The following GMDS variants were observed in gnomAD, a reference collection of about 807,000 sequenced individuals.
The protein encoded by GMDS is GDP-mannose 4,6 dehydratase.
In GMDS, 20 loss-of-function variants were observed where a neutral mutation model predicts 49.9. The ratio of observed to expected loss-of-function variants is 0.40; its 90% CI spans 0.28 to 0.58. The LOEUF (loss-of-function observed/expected upper bound fraction) is 0.58. GMDS is among the 20% of genes least tolerant of loss of function. The pLI, the probability that GMDS is intolerant of heterozygous loss-of-function variation, is 0.42. For synonymous variants in GMDS, 177 were observed against 178.6 expected, an observed-to-expected ratio of 0.99 and a Z score of 0.07; for missense variants, 362 against 481.4, an observed-to-expected ratio of 0.75 and a Z score of 2.32.
At chr6:1,713,277 C>T (rs997833420) in intron 9 of GMDS, among the ~76,000 whole-genome samples, 2 of 152,342 alleles carry the variant, frequency 1.3e-5, no homozygotes, top group East Asian at 1.9e-4. Context: ...GAAGTGTCCT[C>T]GCCTCCACTG....
chr6:1,654,622 G>C (rs1200328825), intron 9 of GMDS, among the ~76,000 whole-genome samples: 1 of 152,198 alleles, frequency 6.6e-6, no homozygotes, highest in Non-Finnish European at 1.5e-5. Context: ...AAATGGGGTA[G>C]AGTTTTAGTT....
At chr6:1,843,052 G>A (rs1757214892) in intron 7 of GMDS, among the ~76,000 whole-genome samples, 1 of 151,712 alleles carries the variant, frequency 6.6e-6, no homozygotes. Flanking sequence ...GTTGCAGTGA[G>A]TGAGCTGAAA....
At chr6:1,720,001 A>AT in intron 9 of GMDS, among the ~76,000 whole-genome samples, 1 of 152,254 alleles carries the variant, frequency 6.6e-6, no homozygotes, top group Non-Finnish European at 1.5e-5. Context: ...AGTAATGGAC[A>AT]TATCTGCACT....
intron 1 of GMDS, among the ~76,000 whole-genome samples, chr6:2,168,034 A>G (rs1006170844): frequency 5.3e-5 from 8 of 152,262 alleles, no homozygotes; most frequent in Non-Finnish European, 1.0e-4. Flanking sequence ...AAGTTAGCCA[A>G]TACTGAGGCA....
chr6:1,806,439 A>AAC (rs34940754), intron 7 of GMDS, among the ~76,000 whole-genome samples: 44,905 of 145,906 alleles, frequency 0.31, 6,506 homozygotes, highest in Middle Eastern at 0.34. Flanking sequence ...AGCACATGGG[A>AAC]ACACACACAC....
chr6:1,689,434 A>C (rs1204719455), intron 9 of GMDS, among the ~76,000 whole-genome samples: 5 of 152,236 alleles, frequency 3.3e-5, no homozygotes, highest in African/African-American at 7.2e-5. Context: ...GCAATGTAGC[A>C]AGGTAGGACA....
chr6:2,016,213 T>G (rs1272348233), intron 4 of GMDS, among the ~76,000 whole-genome samples: 3 of 150,816 alleles, frequency 2.0e-5, no homozygotes, highest in Non-Finnish European at 4.4e-5. Context: ...GAGCTGTGAT[T>G]GCGCCACTGC....
intron 9 of GMDS, among the ~76,000 whole-genome samples, chr6:1,650,923 A>G (rs1186447634): frequency 1.3e-5 from 2 of 152,214 alleles, no homozygotes; most frequent in African/African-American, 4.8e-5. Context: ...TAAATGCTCT[A>G]AAGAATAAAA....
At chr6:2,071,684 T>TAA (rs148189888) in intron 4 of GMDS, among the ~76,000 whole-genome samples, 9 of 141,138 alleles carry the variant, frequency 6.4e-5, no homozygotes, top group African/African-American at 1.8e-4. Context: ...ACTTCACATT[T>TAA]AAAAAAAAAA....
At chr6:1,869,264 G>A (rs992036564) in intron 7 of GMDS, among the ~76,000 whole-genome samples, 1 of 152,190 alleles carries the variant, frequency 6.6e-6, no homozygotes, top group Non-Finnish European at 1.5e-5. Context: ...TTTCAAAGTC[G>A]TAGATTGTTC....
chr6:1,930,011 C>CA, intron 7 of GMDS, 92 bp downstream of exon 7: 2 of 1,150,084 alleles, frequency 1.7e-6, no homozygotes, highest in Non-Finnish European at 2.5e-6. Context: ...TGTATGCCCC[C>CA]ACCTCTAGGT....
chr6:1,848,496 C>T (rs1321706666), intron 7 of GMDS, among the ~76,000 whole-genome samples: 1 of 152,202 alleles, frequency 6.6e-6, no homozygotes, highest in African/African-American at 2.4e-5. Context: ...ATTGACTACT[C>T]TCTGTCTTGG....
At chr6:1,721,255 G>C (rs367915155) in intron 9 of GMDS, among the ~76,000 whole-genome samples, 2 of 152,128 alleles carry the variant, frequency 1.3e-5, no homozygotes, top group African/African-American at 2.4e-5. Flanking sequence ...ATGTTTTTAC[G>C]GGAGGAAGGT....
intron 7 of GMDS, among the ~76,000 whole-genome samples, chr6:1,903,700 A>AT (rs1032320990): frequency 2.0e-5 from 3 of 152,038 alleles, no homozygotes; most frequent in African/African-American, 7.3e-5. Flanking sequence ...TCTGACATAG[A>AT]TTTTTCTTCT....
intron 10 of GMDS, 40 bp from the exon 11 acceptor site, chr6:1,624,271 ACTCT>A: frequency 6.3e-7 from 1 of 1,581,184 alleles, no homozygotes; most frequent in South Asian, 1.1e-5. Flanking sequence ...AGCTTCTGCC[ACTCT>A]CTCCTGGTGA....
At chr6:2,236,644 T>C (rs1781369866) in intron 1 of GMDS, among the ~76,000 whole-genome samples, 1 of 152,212 alleles carries the variant, frequency 6.6e-6, no homozygotes, top group South Asian at 2.1e-4. Flanking sequence ...GATGTAAAAA[T>C]ATAGTTCGAA....
At chr6:1,830,430 A>G (rs996205771) in intron 7 of GMDS, among the ~76,000 whole-genome samples, 1 of 152,228 alleles carries the variant, frequency 6.6e-6, no homozygotes, top group Non-Finnish European at 1.5e-5. Flanking sequence ...CCACTGTTCT[A>G]GACTCTAAAC....
At chr6:2,117,670 T>C (rs887106778) in intron 2 of GMDS, 114 bp from the exon 3 acceptor site, 11 of 684,130 alleles carry the variant, frequency 1.6e-5, no homozygotes, top group Non-Finnish European at 2.9e-5. Context: ...TTTAAATTAT[T>C]AGAAATAGTC....
intron 9 of GMDS, among the ~76,000 whole-genome samples, chr6:1,675,471 G>A (rs569201775): frequency 1.3e-5 from 2 of 152,072 alleles, no homozygotes; most frequent in Non-Finnish European, 2.9e-5. Flanking sequence ...GGCTTCCAGT[G>A]CAACACTGAA....
Sources: gnomAD v4.1 joint callset for allele counts (sites outside exome capture counted in the v4.1 genomes callset) on GRCh38, gnomAD v4.1.1 for gene constraint, MANE v1.5 for transcripts, NCBI Gene and HGNC (gene_info 2026-07-23, HGNC 2026-07-21) for gene names.